ERO1B: variants seen among roughly 807,000 people sequenced by gnomAD.
ERO1B encodes ERO1-like protein beta.
In ERO1B, 49 loss-of-function variants were observed where a neutral mutation model predicts 75.3. The observed-to-expected ratio is 0.65, with a 90% confidence interval of 0.52 to 0.83. ERO1B has a LOEUF of 0.83. Among genes scored for constraint, ERO1B ranks in the 40% least tolerant of loss-of-function variants. ERO1B has a pLI of 0.00. For synonymous variants in ERO1B, 191 were observed against 192.9 expected, an observed-to-expected ratio of 0.99 and a Z score of 0.08; for missense variants, 512 against 560.1, an observed-to-expected ratio of 0.91 and a Z score of 0.87.
At chr1:236,255,853 C>G (rs1558517625) in intron 2 of ERO1B, among the ~76,000 whole-genome samples, 1 of 152,128 alleles carries the variant, frequency 6.6e-6, no homozygotes, top group African/African-American at 2.4e-5. Context: ...TCATAGGTAC[C>G]TCAAAATTAA....
intron 4 of ERO1B, 108 bp from the exon 5 acceptor site, chr1:236,250,075 T>C: frequency 3.5e-6 from 2 of 567,276 alleles, no homozygotes. Context: ...TAAATATACA[T>C]ACATTCCATT....
intron 1 of ERO1B, among the ~76,000 whole-genome samples, chr1:236,273,136 G>A (rs1186141292): frequency 6.6e-6 from 1 of 152,114 alleles, no homozygotes; most frequent in Non-Finnish European, 1.5e-5. Context: ...CAGGTGAGAT[G>A]AGTTCTTTAT....
At chr1:236,228,357 C>G (rs1664325949) in intron 10 of ERO1B, among the ~76,000 whole-genome samples, 1 of 152,178 alleles carries the variant, frequency 6.6e-6, no homozygotes, top group Non-Finnish European at 1.5e-5. Context: ...CAAGTAAGTG[C>G]ACCCAGACAC....
intron 7 of ERO1B, 69 bp downstream of exon 7, chr1:236,236,209 G>A (rs149518771): frequency 3.1e-6 from 5 of 1,593,212 alleles, no homozygotes; most frequent in Non-Finnish European, 3.4e-6. Flanking sequence ...TTACAGGCGT[G>A]AGCCACAGCA....
chr1:236,258,824 C>T (rs1665226839), intron 2 of ERO1B, among the ~76,000 whole-genome samples: 1 of 152,074 alleles, frequency 6.6e-6, no homozygotes, highest in Non-Finnish European at 1.5e-5. Context: ...GGGAGGCGGA[C>T]GTTGCAGTGA....
At chr1:236,243,163 C>G (rs569843755) in intron 6 of ERO1B, among the ~76,000 whole-genome samples, 2 of 152,076 alleles carry the variant, frequency 1.3e-5, no homozygotes, top group South Asian at 4.1e-4. Flanking sequence ...GTTATTTAGT[C>G]TTTTTCAGAC....
At position 236,221,977 on chromosome 1, in the gene ERO1B, G is replaced by A. The variant is rs747381026; in HGVS notation, c.1156C>T (p.Arg386Cys). Residue 386 changes from arginine to cysteine, a missense_variant, in exon 14 of 16, where the codon CGT (arginine) becomes TGT (cysteine). Arg to Cys is a radical substitution (Grantham distance 180). Transcript: ENST00000354619. ...TCACATCCAACACAGTCCATTATACGGGAGATATTCTTGAAATGTAATCGG... is the reference window on the plus strand; with the variant it reads ...TCACATCCAACACAGTCCATTATACAGGAGATATTCTTGAAATGTAATCGG... ...EFRLHFKNIS[R>C]IMDCVGCDKC... The A allele has an allele frequency of 8.1e-6, 13 of 1,613,378 alleles. No individual in the cohort carries two copies. Among genetic ancestry groups the A allele is most frequent in the Admixed American group, 3.3e-5 (2 of 59,962 alleles).
rs563321309 is a variant in ERO1B, at chr1:236,216,270, C to T, written c.*2246G>A. The T allele has an allele frequency of 6.6e-6, 1 of 152,166 alleles. No individual in the cohort carries two copies. Among genetic ancestry groups the T allele is most frequent in the East Asian group, 1.9e-4 (1 of 5,192 alleles). 9.4% of individuals were successfully genotyped at this position (152,166 alleles called of 1,614,324 possible). ...GAGATAAAGACAAAATGCCAGAGCA[C>T]CAGCAAAGCATTTTTACAATGCAAA... On this transcript the variant is annotated 3_prime_UTR_variant, in exon 16 of 16. Coordinates refer to ENST00000354619, the MANE Select transcript of ERO1B (RefSeq NM_019891.4).
At chr1:236,279,712 G>C (rs2102969534) in intron 1 of ERO1B, among the ~76,000 whole-genome samples, 1 of 151,574 alleles carries the variant, frequency 6.6e-6, no homozygotes, top group African/African-American at 2.4e-5. Flanking sequence ...AGGCGCGGTG[G>C]CAAGCACCTG....
chr1:236,251,596 A>G (rs79993522), intron 4 of ERO1B, among the ~76,000 whole-genome samples: 3,709 of 152,272 alleles, frequency 0.024, 68 homozygotes, highest in Middle Eastern at 0.065. Flanking sequence ...CTCTAAAAAC[A>G]TATCAATGGC....
Position 236,235,773 on chromosome 1 carries a change from C to T in ERO1B, c.673+16G>A. Reference sequence around the variant, plus strand: ...AAACAATGAAAAGCATGAAAATGTACATATGAAAAACCTACCTCGGCTAGG... The same window carrying T: ...AAACAATGAAAAGCATGAAAATGTATATATGAAAAACCTACCTCGGCTAGG... On this transcript the variant is annotated intron_variant, in intron 8 of 15. Coordinates refer to ENST00000354619, the MANE Select transcript of ERO1B (RefSeq NM_019891.4). 1 of 1,600,712 alleles carries T rather than the reference C, an allele frequency of 6.2e-7. No individual in the cohort carries two copies. The highest frequency in any genetic ancestry group is 8.5e-7 in the Non-Finnish European group (1 of 1,174,200).
At position 236,216,290 on chromosome 1, in the gene ERO1B, T is replaced by C. The variant is rs1471389695; in HGVS notation, c.*2226A>G. 1 of 152,080 alleles carries C rather than the reference T, an allele frequency of 6.6e-6. No individual in the cohort carries two copies. Among genetic ancestry groups the C allele is most frequent in the African/African-American group, 2.4e-5 (1 of 41,434 alleles). 9.4% of individuals were successfully genotyped at this position (152,080 alleles called of 1,614,324 possible). A position where few individuals can be genotyped will look rare whatever the true frequency, so the allele number is the denominator to read the frequency against. On this transcript the variant is annotated 3_prime_UTR_variant, in exon 16 of 16. Coordinates refer to ENST00000354619, the MANE Select transcript of ERO1B (RefSeq NM_019891.4). ...GAGCACCAGCAAAGCATTTTTACAA[T>C]GCAAACAGTACTCTAGTATAATATC... is the stretch of plus-strand genomic sequence containing the variant.
intron 1 of ERO1B, among the ~76,000 whole-genome samples, chr1:236,270,841 G>A (rs962905079): frequency 6.6e-6 from 1 of 152,174 alleles, no homozygotes; most frequent in South Asian, 2.1e-4. Context: ...TGTTGCCAGG[G>A]ATTAGGGACT....
chr1:236,250,084 T>C (rs2477597), intron 4 of ERO1B, 117 bp from the exon 5 acceptor site: 137,612 of 524,326 alleles, frequency 0.26, 19,094 homozygotes, highest in East Asian at 0.34. Flanking sequence ...ATACATTCCA[T>C]TATAAAAATC....
chr1:236,230,750 G>A (rs760780619), intron 9 of ERO1B, among the ~76,000 whole-genome samples: 1 of 151,380 alleles, frequency 6.6e-6, no homozygotes, highest in African/African-American at 2.4e-5. Flanking sequence ...AACTTTAAGA[G>A]AGTGTTTTTA....
Position 236,217,597 on chromosome 1 carries a change from T to C in ERO1B, c.*919A>G, listed in dbSNP as rs538855896. On this transcript the variant is annotated 3_prime_UTR_variant, in exon 16 of 16. Transcript: ENST00000354619. ...AATAGCAAATTTTGTGTATATAATA[T>C]TTTCAATTGGCATTATAAATTCATA... The C allele has an allele frequency of 1.3e-5, 2 of 152,738 alleles. No individual in the cohort carries two copies. Among genetic ancestry groups the C allele is most frequent in the African/African-American group, 4.8e-5 (2 of 41,586 alleles). 9.5% of individuals were successfully genotyped at this position (152,738 alleles called of 1,614,324 possible). A position where few individuals can be genotyped will look rare whatever the true frequency, so the allele number is the denominator to read the frequency against.
chr1:236,218,425 A>G lies in ERO1B; in HGVS notation c.*91T>C. On this transcript the variant is annotated 3_prime_UTR_variant, in exon 16 of 16. Transcript: ENST00000354619. Reference sequence around the variant, plus strand: ...CTATTTAATAGTTCAGAATTCTTGAAGTCAGATTAGTGTCTTTCTGATGAA... The same window carrying G: ...CTATTTAATAGTTCAGAATTCTTGAGGTCAGATTAGTGTCTTTCTGATGAA... 1 of 1,226,358 alleles carries G rather than the reference A, an allele frequency of 8.2e-7. No homozygotes were observed. Among genetic ancestry groups the G allele is most frequent in the South Asian group, 2.2e-5 (1 of 44,512 alleles). 76.0% of individuals were successfully genotyped at this position (1,226,358 alleles called of 1,614,324 possible). A position where few individuals can be genotyped will look rare whatever the true frequency, so the allele number is the denominator to read the frequency against.
chr1:236,267,671 T>C (rs1665480471), intron 2 of ERO1B: 1 of 152,184 alleles, frequency 6.6e-6, no homozygotes, highest in South Asian at 2.1e-4. Context: ...AAGTAAAAAT[T>C]TCATATAGTT....
At chr1:236,249,149 T>G (rs545061633) in intron 5 of ERO1B, among the ~76,000 whole-genome samples, 20 of 151,684 alleles carry the variant, frequency 1.3e-4, no homozygotes, top group African/African-American at 4.6e-4. Context: ...CCTCAGCCTC[T>G]CAGGTAGCTG....
Sources: gnomAD v4.1 joint callset for allele counts (sites outside exome capture counted in the v4.1 genomes callset) on GRCh38, gnomAD v4.1.1 for gene constraint, MANE v1.5 for transcripts, NCBI Gene and HGNC (gene_info 2026-07-23, HGNC 2026-07-21) for gene names.